APC: variants seen among roughly 807,000 people sequenced by gnomAD.
APC encodes the protein adenomatous polyposis coli protein.
A neutral mutation model predicts 247.0 loss-of-function variants in APC; 72 were observed. The ratio of observed to expected loss-of-function variants is 0.29; its 90% CI spans 0.24 to 0.35. The LOEUF (loss-of-function observed/expected upper bound fraction) is 0.35, where lower values mean the gene tolerates loss of function less well. Among genes scored for constraint, APC ranks in the 10% least tolerant of loss-of-function variants. The pLI is 1.00. For synonymous variants in APC, 1,254 were observed against 1,162.5 expected (o/e 1.08, Z -1.60); for missense variants, 3,400 against 3,360.7 (o/e 1.01, Z -0.29).
Position 112,738,659 on chromosome 5 carries a change from C to T in APC, c.-19+734C>T, listed in dbSNP as rs2020383. ...AGTGCTTTTTCTCCCTCTGTTAGGC[C>T]GAAAAGACAACTGCAGAGGAATAAG... On this transcript the variant is annotated intron_variant, in intron 1 of 15. Coordinates refer to ENST00000257430, the MANE Select transcript of APC (RefSeq NM_000038.6). Among the ~76,000 whole-genome samples the T allele has an allele frequency of 0.53, 80,820 of 151,922 alleles. 22,046 individuals are homozygous for T. The highest frequency in any genetic ancestry group is 0.79 in the East Asian group (4,087 of 5,180).
rs1114167617 is a variant in APC, at chr5:112,838,677, G to T, written c.3083G>T (p.Ser1028Ile). The change falls in exon 16 of 16, where the codon AGT (serine) becomes ATT (isoleucine). Residue 1028 changes from serine (S) to isoleucine (I), a missense_variant. This residue lies in a region of APC where 715 missense variants were observed against 656.6 expected (regional missense o/e 1.09). Transcript: ENST00000257430. ...GAACTAGATACACCAATAAATTATA[G>T]TCTTAAATATTCAGATGAGCAGTTG... ...DGELDTPINYSLKYSDEQLNS... is the reference protein window; with the variant it reads ...DGELDTPINYILKYSDEQLNS... 2 of 1,614,042 alleles carry T rather than the reference G, an allele frequency of 1.2e-6. No individual in the cohort carries two copies. Among genetic ancestry groups the T allele is most frequent in the South Asian group, 1.1e-5 (1 of 91,090 alleles).
intron 2 of APC, among the ~76,000 whole-genome samples, chr5:112,765,106 C>G (rs1756127993): frequency 6.6e-6 from 1 of 152,038 alleles, no homozygotes; most frequent in Non-Finnish European, 1.5e-5. Flanking sequence ...GGGGCGATTT[C>G]TTTGTTTCTG....
rs748776990 is a variant in APC, at chr5:112,840,838, C to T, written c.5244C>T (p.Asp1748=). The T allele has an allele frequency of 1.9e-6, 3 of 1,614,096 alleles. No individual in the cohort carries two copies. The highest frequency in any genetic ancestry group is 2.2e-5 in the South Asian group (2 of 91,086). The part of the protein sequence containing the change: ...HKPFRVKKIM[D]QVQQASASSS... ...CTTTCCGTGTGAAAAAGATAATGGA[C>T]CAGGTCCAGCAAGCATCTGCGTCTT... The change falls in exon 16 of 16, where the codon GAC becomes GAT. Residue 1748 remains aspartate, a synonymous_variant. Coordinates refer to ENST00000257430, the MANE Select transcript of APC (RefSeq NM_000038.6). The surrounding 1 kb of genome is among the most constrained non-coding windows in gnomAD (Gnocchi z 4.1).
intron 8 of APC, among the ~76,000 whole-genome samples, chr5:112,802,461 A>T (rs936477121): frequency 6.6e-6 from 1 of 152,118 alleles, no homozygotes; most frequent in African/African-American, 2.4e-5. Flanking sequence ...GAAAAATTTA[A>T]TCCTATATGA....
intron 8 of APC, 64 bp from the exon 9 acceptor site, chr5:112,815,431 C>A: frequency 8.5e-7 from 1 of 1,170,062 alleles, no homozygotes; most frequent in Non-Finnish European, 1.3e-6. Flanking sequence ...AGTACCTTAA[C>A]ATGATGTTAT....
chr5:112,716,417 T>C (rs1400241325), intron 1 of APC, among the ~76,000 whole-genome samples: 1 of 152,204 alleles, frequency 6.6e-6, no homozygotes, highest in East Asian at 1.9e-4. Context: ...ATTTGTAAAA[T>C]TACAATGTAA....
intron 6 of APC, among the ~76,000 whole-genome samples, chr5:112,785,142 A>G (rs1580396352): frequency 6.6e-6 from 1 of 152,202 alleles, no homozygotes; most frequent in Non-Finnish European, 1.5e-5. Flanking sequence ...CATCACTATT[A>G]TTTAACTTTG....
intron 15 of APC, among the ~76,000 whole-genome samples, chr5:112,836,180 G>GCCAA (rs1554083568): frequency 6.4e-5 from 2 of 31,054 alleles, no homozygotes; most frequent in Non-Finnish European, 1.2e-4. Flanking sequence ...CCCCCCCCCC[G>GCCAA]CCACCGTGCC....
At chr5:112,800,304 A>G (rs1760674995) in intron 7 of APC, among the ~76,000 whole-genome samples, 1 of 152,214 alleles carries the variant, frequency 6.6e-6, no homozygotes, top group Non-Finnish European at 1.5e-5. Flanking sequence ...GGATTCCATT[A>G]AATTCTATAG....
At chr5:112,792,077 C>T (rs765305626) in intron 6 of APC, among the ~76,000 whole-genome samples, 22 of 152,240 alleles carry the variant, frequency 1.4e-4, no homozygotes, top group African/African-American at 2.6e-4. Flanking sequence ...GAAACCCCAT[C>T]GCTACTAAAA....
chr5:112,812,984 T>G (rs567249801), intron 8 of APC, among the ~76,000 whole-genome samples: 10 of 152,126 alleles, frequency 6.6e-5, no homozygotes, highest in Admixed American at 2.0e-4. Context: ...GTGTCCCTAG[T>G]CAGCATAAAG....
intron 1 of APC, among the ~76,000 whole-genome samples, chr5:112,727,677 A>G (rs1201670912): frequency 1.3e-5 from 2 of 152,234 alleles, no homozygotes; most frequent in South Asian, 2.1e-4. Context: ...TTTTCTTGGG[A>G]AAAAGACTTT....
rs754320004 is a variant in APC, at chr5:112,842,742, G to T, written c.7148G>T (p.Gly2383Val). The T allele has an allele frequency of 1.9e-6, 3 of 1,613,926 alleles. No individual in the cohort carries two copies. Among genetic ancestry groups the T allele is most frequent in the East Asian group, 4.5e-5 (2 of 44,876 alleles). Residue 2383 changes from glycine (G) to valine (V), a missense_variant, in exon 16 of 16, where the codon GGT becomes GTT. Around this residue, in one of 9 missense-constraint regions of APC, gnomAD observed 1,788 missense variants for 1,649.5 expected, o/e 1.08. Transcript: ENST00000257430. ...MSQQNLTKQTGLSKNASSIPR... is the reference protein window; with the variant it reads ...MSQQNLTKQTVLSKNASSIPR... The stretch of plus-strand genomic sequence containing the variant: ...CAACAGAACCTTACCAAACAAACAG[G>T]TTTATCCAAGAATGCCAGTAGTATT...
In APC at chr5:112,828,506, G is replaced by A. The variant is rs920531538; in HGVS notation, c.1627-350G>A. ...CTCCCTCTCTTGCCCAGGCTGGAGTGCAGTGGTGCGATTATGGCTCACAGT... is the reference window on the plus strand; with the variant it reads ...CTCCCTCTCTTGCCCAGGCTGGAGTACAGTGGTGCGATTATGGCTCACAGT... On this transcript the variant is annotated intron_variant, in intron 13 of 15. Coordinates refer to ENST00000257430, the MANE Select transcript of APC (RefSeq NM_000038.6). Among the ~76,000 whole-genome samples, 11 of 150,942 alleles carry A rather than the reference G, an allele frequency of 7.3e-5. 1 individual carries two copies. The highest frequency in any genetic ancestry group is 4.4e-5 in the Non-Finnish European group (3 of 67,882).
intron 4 of APC, among the ~76,000 whole-genome samples, chr5:112,770,020 A>T (rs1022232128): frequency 1.3e-5 from 2 of 152,200 alleles, no homozygotes; most frequent in African/African-American, 4.8e-5. Flanking sequence ...GGCAGAGGGC[A>T]TGCATACTAA....
chr5:112,791,566 G>T (rs74954272), intron 6 of APC, among the ~76,000 whole-genome samples: 1,643 of 152,162 alleles, frequency 0.011, 24 homozygotes, highest in Non-Finnish European at 0.013. Flanking sequence ...TAATGCCTGA[G>T]GACCTGAGGT....
intron 1 of APC, among the ~76,000 whole-genome samples, chr5:112,750,301 T>C (rs1405715791): frequency 6.6e-5 from 10 of 152,160 alleles, no homozygotes; most frequent in Admixed American, 6.5e-4. Flanking sequence ...GGGTATGTAA[T>C]AAAAAGGAAG....
intron 14 of APC, among the ~76,000 whole-genome samples, chr5:112,834,699 CACTT>C (rs1167962449): frequency 3.9e-5 from 6 of 152,120 alleles, no homozygotes; most frequent in African/African-American, 1.4e-4. Context: ...ACTATCTAAA[CACTT>C]AGAATAAAGT....
chr5:112,722,343 C>T (rs1581029077), intron 1 of APC, among the ~76,000 whole-genome samples: 1 of 152,180 alleles, frequency 6.6e-6, no homozygotes, highest in Non-Finnish European at 1.5e-5. Context: ...CCACAACAAT[C>T]GTTAACATAG....
Sources: allele counts gnomAD v4.1 joint callset (sites outside exome capture counted in the v4.1 genomes callset), GRCh38; gene constraint gnomAD v4.1.1; regional missense constraint gnomAD v4.1.1; non-coding constraint Gnocchi (gnomAD v3.1); transcripts MANE v1.5; gene names NCBI Gene and HGNC (gene_info 2026-07-23, HGNC 2026-07-21).